Variants in OR9Q1 observed in about 807,000 individuals in gnomAD.
The protein encoded by OR9Q1 is olfactory receptor 9Q1.
For missense variants in OR9Q1, 374 were observed against 378.8 expected (o/e 0.99, Z 0.11); for synonymous variants, 153 against 148.6 (o/e 1.03, Z -0.22).
intron 2 of OR9Q1, among the ~76,000 whole-genome samples, chr11:58,141,801 C>A (rs555680077): frequency 6.6e-6 from 1 of 152,240 alleles, no homozygotes; most frequent in South Asian, 2.1e-4. Context: ...TTCTTAGCCA[C>A]TATATATATT....
chr11:58,087,272 T>C (rs1021392092), intron 2 of OR9Q1, among the ~76,000 whole-genome samples: 4 of 151,804 alleles, frequency 2.6e-5, no homozygotes, highest in African/African-American at 9.7e-5. Context: ...ACATCATCAA[T>C]CTCTGAAACC....
intron 2 of OR9Q1, among the ~76,000 whole-genome samples, chr11:58,131,032 G>T (rs1252970505): frequency 2.0e-5 from 3 of 152,066 alleles, no homozygotes; most frequent in African/African-American, 7.2e-5. Flanking sequence ...GGTGCGGTAG[G>T]ATATTTTGGA....
intron 2 of OR9Q1, among the ~76,000 whole-genome samples, chr11:58,065,815 G>A (rs913084481): frequency 1.3e-5 from 2 of 152,316 alleles, no homozygotes; most frequent in East Asian, 1.9e-4. Flanking sequence ...GCTGCTCAGA[G>A]AGAACTAGGA....
rs1565056546 is a variant in OR9Q1 at position 58,037,700 on chromosome 11, T to TAG, written c.-93+13596_-93+13597insAG. On this transcript the variant is annotated intron_variant, in intron 1 of 2. Transcript: ENST00000335397. ...ATATATATATATATATTTTTTTTTT[T>TAG]TTTTTTTTTTTTTTTTTTTTTTTTT... Among the ~76,000 whole-genome samples the TAG allele has an allele frequency of 5.2e-3, 39 of 7,454 alleles. 3 individuals are homozygous for TAG. Among genetic ancestry groups the TAG allele is most frequent in the African/African-American group, 0.013 (21 of 1,640 alleles). The allele number at this position is 7,454 out of a possible 152,430, so 4.9% of individuals were successfully genotyped here.
At chr11:58,078,777 C>A (rs1330024315) in intron 2 of OR9Q1, among the ~76,000 whole-genome samples, 3 of 152,210 alleles carry the variant, frequency 2.0e-5, no homozygotes, top group Non-Finnish European at 2.9e-5. Context: ...TTCTCTTGAG[C>A]ATCTCCTCTC....
At chr11:58,032,387 C>A (rs1041042669) in intron 1 of OR9Q1, among the ~76,000 whole-genome samples, 1 of 152,092 alleles carries the variant, frequency 6.6e-6, no homozygotes, top group East Asian at 1.9e-4. Context: ...GCTACAGTAA[C>A]CAAAACAGCA....
rs192840985 is a variant in OR9Q1 at position 58,036,303 on chromosome 11, C to T, written c.-93+12199C>T. On this transcript the variant is annotated intron_variant, in intron 1 of 2. Coordinates refer to ENST00000335397, the MANE Select transcript of OR9Q1 (RefSeq NM_001005212.4). ...CAGCCTACTATTGAGACCTACTGCT[C>T]GGGAAAGAATAGTTCTTCCAAAATA... Among the ~76,000 whole-genome samples the T allele has an allele frequency of 7.4e-3, 1,125 of 152,272 alleles. 9 individuals are homozygous for T. The highest frequency in any genetic ancestry group is 0.02 in the Middle Eastern group (6 of 294).
At chr11:58,081,388 G>A (rs551940851) in intron 2 of OR9Q1, among the ~76,000 whole-genome samples, 25 of 152,148 alleles carry the variant, frequency 1.6e-4, no homozygotes, top group Admixed American at 4.6e-4. Context: ...TTGAGGAATC[G>A]CCACACTGTC....
chr11:58,154,591 TAGAAG>T (rs1318745699), intron 2 of OR9Q1, among the ~76,000 whole-genome samples: 10 of 152,140 alleles, frequency 6.6e-5, no homozygotes, highest in South Asian at 4.1e-4. Flanking sequence ...TCAAAATAAC[TAGAAG>T]AGAAGATCTG....
At chr11:58,113,582 A>G (rs1019638227) in intron 2 of OR9Q1, among the ~76,000 whole-genome samples, 1 of 152,202 alleles carries the variant, frequency 6.6e-6, no homozygotes, top group Non-Finnish European at 1.5e-5. Flanking sequence ...AGTGGGGACA[A>G]CCTACTCAGA....
At chr11:58,139,294 TTA>T (rs1854219881) in intron 2 of OR9Q1, among the ~76,000 whole-genome samples, 2 of 151,814 alleles carry the variant, frequency 1.3e-5, no homozygotes, top group African/African-American at 2.4e-5. Context: ...TTTTTTTTTT[TTA>T]TTATACTTTA....
chr11:58,148,136 G>A (rs531576180), intron 2 of OR9Q1, among the ~76,000 whole-genome samples: 1 of 152,054 alleles, frequency 6.6e-6, no homozygotes, highest in African/African-American at 2.4e-5. Flanking sequence ...TGATCACTTA[G>A]AGCGACACCA....
intron 1 of OR9Q1, chr11:58,031,467 T>G: frequency 6.2e-7 from 1 of 1,614,168 alleles, no homozygotes; most frequent in Non-Finnish European, 8.5e-7. Context: ...CAGCTAACAT[T>G]TTATGGCCCA....
chr11:58,073,510 C>T (rs1018109392), intron 2 of OR9Q1: 9 of 153,012 alleles, frequency 5.9e-5, no homozygotes, highest in African/African-American at 1.4e-4. Context: ...ACACACTGTA[C>T]GTTTCGTTAC....
intron 1 of OR9Q1, among the ~76,000 whole-genome samples, chr11:58,025,447 G>A (rs919044163): frequency 1.3e-5 from 2 of 152,164 alleles, no homozygotes; most frequent in African/African-American, 4.8e-5. Flanking sequence ...TGATCCGCCC[G>A]CTCAGCCTCC....
chr11:58,104,117 G>C (rs1218238290), intron 2 of OR9Q1, among the ~76,000 whole-genome samples: 1 of 151,948 alleles, frequency 6.6e-6, no homozygotes, highest in Non-Finnish European at 1.5e-5. Context: ...TCCTTCTCTG[G>C]GAATATTATT....
intron 2 of OR9Q1, among the ~76,000 whole-genome samples, chr11:58,132,131 TG>T (rs1189571695): frequency 1.3e-5 from 2 of 152,216 alleles, no homozygotes; most frequent in African/African-American, 4.8e-5. Flanking sequence ...GCAATCTACT[TG>T]CAGAGCTTAT....
intron 2 of OR9Q1, among the ~76,000 whole-genome samples, chr11:58,101,549 A>C (rs1214152165): frequency 1.3e-5 from 2 of 152,098 alleles, no homozygotes; most frequent in African/African-American, 4.8e-5. Flanking sequence ...TGTTGGATAC[A>C]TAGTTTGTAA....
At chr11:58,041,602 T>G (rs1363762049) in intron 1 of OR9Q1, 4 of 152,398 alleles carry the variant, frequency 2.6e-5, no homozygotes, top group Admixed American at 6.5e-5. Flanking sequence ...GAACAAGAAG[T>G]CAAGGGTTTT....
Sources: gnomAD v4.1 joint callset for allele counts (sites outside exome capture counted in the v4.1 genomes callset) on GRCh38, gnomAD v4.1.1 for gene constraint, MANE v1.5 for transcripts, NCBI Gene and HGNC (gene_info 2026-07-23, HGNC 2026-07-21) for gene names.